The following ZNF479 variants were observed in gnomAD, a reference collection of about 807,000 sequenced individuals.
ZNF479 encodes the protein zinc finger protein 479, also known as KRAB zinc finger protein KR19.
A neutral mutation model predicts 14.7 loss-of-function variants in ZNF479; 15 were observed. That is an observed-to-expected ratio of 1.02 (90% CI 0.68 to 1.57). ZNF479 has a LOEUF of 1.57. Ranked by LOEUF, ZNF479 falls within the 40% of genes most tolerant of loss-of-function variation. The pLI, the probability that ZNF479 is intolerant of heterozygous loss-of-function variation, is 0.00. For missense variants in ZNF479, 506 were observed against 615.1 expected, an observed-to-expected ratio of 0.82 and a Z score of 1.88; for synonymous variants, 145 against 211.5, an observed-to-expected ratio of 0.69 and a Z score of 2.73.
At chr7:57,131,633 T>TG (rs58847430) in intron 1 of ZNF479, among the ~76,000 whole-genome samples, 42,201 of 143,828 alleles carry the variant, frequency 0.29, 6,991 homozygotes, top group East Asian at 0.51. Context: ...AGAAAATATT[T>TG]GGCCTAGGCA....
exon 1 of ZNF479, chr7:57,139,608 C>T (rs1019762743): frequency 6.6e-6 from 1 of 152,122 alleles, no homozygotes; most frequent in African/African-American, 2.4e-5. Flanking sequence ...TCACATATAC[C>T]TGGGCCATGC....
At chr7:57,127,851 C>A (rs1786239288) in intron 1 of ZNF479, among the ~76,000 whole-genome samples, 1 of 150,784 alleles carries the variant, frequency 6.6e-6, no homozygotes, top group Non-Finnish European at 1.5e-5. Context: ...CTGATGCACA[C>A]ACAACACAAC....
At chr7:57,131,113 A>G (rs952325102) in intron 1 of ZNF479, among the ~76,000 whole-genome samples, 2 of 152,204 alleles carry the variant, frequency 1.3e-5, no homozygotes, top group African/African-American at 4.8e-5. Flanking sequence ...TGTTCAGGGT[A>G]GAGGATCAGA....
chr7:57,131,148 T>C (rs1786400509), intron 1 of ZNF479, among the ~76,000 whole-genome samples: 1 of 152,000 alleles, frequency 6.6e-6, no homozygotes, highest in Non-Finnish European at 1.5e-5. Flanking sequence ...AGAAAACAAA[T>C]CTGTTGGGTA....
At position 57,119,633 on chromosome 7, in the gene ZNF479, C is replaced by T; in HGVS notation, c.*207G>A. ...AAAAAATTTTTTTAAAATAAATTCT[C>T]TTAGGTTTATTAAGGTTTGAGGGTT... On this transcript the variant is annotated 3_prime_UTR_variant, in exon 4 of 4. Transcript: ENST00000319636. 1 of 574,002 alleles carries T rather than the reference C, an allele frequency of 1.7e-6. No homozygotes were observed. Among genetic ancestry groups the T allele is most frequent in the Non-Finnish European group, 3.1e-6 (1 of 322,440 alleles). 35.6% of individuals were successfully genotyped at this position (574,002 alleles called of 1,614,324 possible). A position where few individuals can be genotyped will look rare whatever the true frequency, so the allele number is the denominator to read the frequency against.
In ZNF479 at chr7:57,120,175, A is replaced by C. The variant is rs1583927606; in HGVS notation, c.1240T>G (p.Cys414Gly). ...TGERPYKCEE[C>G]GKVFSLSSTL... ...GAGGATAAGCTAAAGACTTTGCCAC[A>C]CTCTTCACATTTGTAGGGTCTCTCT... Residue 414 changes from cysteine to glycine, a missense_variant, in exon 4 of 4, where the codon TGT becomes GGT. Coordinates refer to ENST00000319636, the MANE Select transcript of ZNF479 (RefSeq NM_001370129.2). 1 of 1,611,730 alleles carries C rather than the reference A, an allele frequency of 6.2e-7. No individual in the cohort carries two copies. Among genetic ancestry groups the C allele is most frequent in the South Asian group, 1.1e-5 (1 of 90,990 alleles).
At chr7:57,139,845 T>C (rs1404986756) in exon 1 of ZNF479, 1 of 152,274 alleles carries the variant, frequency 6.6e-6, no homozygotes, top group Non-Finnish European at 1.5e-5. Flanking sequence ...ACCTACGTGA[T>C]GTGACTCTTC....
Position 57,131,128 on chromosome 7 carries a change from G to C in ZNF479, c.39+1158C>G, listed in dbSNP as rs144922137. Among the ~76,000 whole-genome samples the C allele has an allele frequency of 2.2e-3, 335 of 152,266 alleles. 2 individuals are homozygous for C. Among genetic ancestry groups the C allele is most frequent in the Middle Eastern group, 3.4e-3 (1 of 292 alleles). ...TGTTCAGGGTAGAGGATCAGAGGATGAAGAAAATCAGAAAACAAATCTGTT... is the reference window on the plus strand; with the variant it reads ...TGTTCAGGGTAGAGGATCAGAGGATCAAGAAAATCAGAAAACAAATCTGTT... On this transcript the variant is annotated intron_variant, in intron 1 of 3. Transcript: ENST00000319636.
At chr7:57,139,015 A>T (rs1346204447) in intron 1 of ZNF479, among the ~76,000 whole-genome samples, 1 of 152,226 alleles carries the variant, frequency 6.6e-6, no homozygotes, top group Non-Finnish European at 1.5e-5. Flanking sequence ...AATGGGCATG[A>T]TCCTACATTT....
At chr7:57,123,154 G>A (rs1786021881) in intron 3 of ZNF479, among the ~76,000 whole-genome samples, 1 of 152,170 alleles carries the variant, frequency 6.6e-6, no homozygotes, top group South Asian at 2.1e-4. Flanking sequence ...TGCTTCTGGT[G>A]AGGATATGAA....
At chr7:57,134,287 A>G (rs1173932199), upstream of ZNF479, among the ~76,000 whole-genome samples, 3 of 152,198 alleles carry the variant, frequency 2.0e-5, no homozygotes, top group South Asian at 6.2e-4. Context: ...CACCAAAACC[A>G]AGGTGGGAAT....
intron 3 of ZNF479, among the ~76,000 whole-genome samples, chr7:57,123,396 G>A (rs1786032347): frequency 6.6e-6 from 1 of 151,774 alleles, no homozygotes; most frequent in African/African-American, 2.4e-5. Context: ...ATTTCAACAT[G>A]CGATTTGGAG....
upstream of ZNF479, among the ~76,000 whole-genome samples, chr7:57,134,306 C>G (rs1249333195): frequency 1.3e-5 from 2 of 152,248 alleles, no homozygotes; most frequent in Admixed American, 1.3e-4. Context: ...ATGAAAGGGA[C>G]CTCTGATTGT....
chr7:57,125,302 T>C (rs1484134841), intron 3 of ZNF479, among the ~76,000 whole-genome samples: 2 of 152,034 alleles, frequency 1.3e-5, no homozygotes, highest in African/African-American at 4.8e-5. Context: ...TAAGTTGTTT[T>C]TTATGAGAAA....
chr7:57,126,111 T>A lies in ZNF479; in HGVS notation c.169A>T (p.Ile57Phe). 6.3e-7 allele frequency: 1 copy of A among 1,593,070 alleles called. No homozygotes were observed. The highest frequency in any genetic ancestry group is 8.5e-7 in the Non-Finnish European group (1 of 1,177,580). Residue 57 changes from isoleucine to phenylalanine, a missense_variant and splice_region_variant, in exon 3 of 4, where the codon ATT becomes TTT. Physicochemically the swap from Ile to Phe is conservative, Grantham distance 21. Coordinates refer to ENST00000319636, the MANE Select transcript of ZNF479 (RefSeq NM_001370129.2). ...ATCAAGTCTGGCTTAGAGACAGCAATACCTGTTTTATTAAGAAAAAAAAGT... is the reference window on the plus strand; with the variant it reads ...ATCAAGTCTGGCTTAGAGACAGCAAAACCTGTTTTATTAAGAAAAAAAAGT... ...ENYRNLVSLG[I>F]AVSKPDLITC... is the part of the protein sequence containing the mutation.
chr7:57,131,402 A>C (rs1023224215), intron 1 of ZNF479, among the ~76,000 whole-genome samples: 4 of 151,994 alleles, frequency 2.6e-5, no homozygotes, highest in African/African-American at 9.7e-5. Flanking sequence ...GTCTCTACTA[A>C]AAATACAAAA....
chr7:57,132,139 G>A, intron 1 of ZNF479, 147 bp downstream of exon 1: 1 of 1,425,322 alleles, frequency 7.0e-7, no homozygotes, highest in Non-Finnish European at 9.8e-7. Context: ...GCGGCTGGAG[G>A]GGACGAGAGC....
rs193075678 is a variant in ZNF479 at position 57,118,118 on chromosome 7, G to A, written c.*1722C>T. Among the ~76,000 whole-genome samples the A allele has an allele frequency of 1.2e-3, 187 of 152,296 alleles. 2 individuals carry two copies. Among genetic ancestry groups the A allele is most frequent in the Middle Eastern group, 0.01 (3 of 294 alleles). ...CAAACTGGTGTTTTCTAAGCTGGAG[G>A]TTTTGAAAAAATGTTTTTCACATTC... On this transcript the variant is annotated 3_prime_UTR_variant, in exon 4 of 4. Coordinates refer to ENST00000319636, the MANE Select transcript of ZNF479 (RefSeq NM_001370129.2).
chr7:57,131,584 A>C lies in ZNF479; in HGVS notation c.39+702T>G, dbSNP rs1044004870. Among the ~76,000 whole-genome samples the C allele has an allele frequency of 5.9e-5, 8 of 135,516 alleles. 2 individuals are homozygous for C. Among genetic ancestry groups the C allele is most frequent in the Non-Finnish European group, 1.2e-4 (7 of 60,282 alleles). 88.9% of individuals were successfully genotyped at this position (135,516 alleles called of 152,430 possible). ...TCTCAAAAATAAAAAACAAACAAAC[A>C]AACAAAAAAAAAACATTTCTTGTAA... On this transcript the variant is annotated intron_variant, in intron 1 of 3. Coordinates refer to ENST00000319636, the MANE Select transcript of ZNF479 (RefSeq NM_001370129.2).
Sources: gnomAD v4.1 joint callset for allele counts (sites outside exome capture counted in the v4.1 genomes callset) on GRCh38, gnomAD v4.1.1 for gene constraint, MANE v1.5 for transcripts, NCBI Gene and HGNC (gene_info 2026-07-23, HGNC 2026-07-21) for gene names.